EIF4EBP2: variants seen among roughly 807,000 people sequenced by gnomAD.
EIF4EBP2 encodes the protein eukaryotic translation initiation factor 4E-binding protein 2.
EIF4EBP2 carries 5 observed loss-of-function variants against 10.3 expected under a neutral mutation model. That is an observed-to-expected ratio of 0.48 (90% confidence interval 0.25 to 1.02). The LOEUF (loss-of-function observed/expected upper bound fraction) is 1.02. EIF4EBP2 is among the 50% of genes least tolerant of loss of function. EIF4EBP2 has a pLI of 0.15. For missense variants in EIF4EBP2, 188 were observed against 162.2 expected, an observed-to-expected ratio of 1.16 and a Z score of -0.86; for synonymous variants, 67 against 61.1, an observed-to-expected ratio of 1.10 and a Z score of -0.45.
At chr10:70,406,692 G>A (rs1844967354) in intron 1 of EIF4EBP2, among the ~76,000 whole-genome samples, 1 of 150,838 alleles carries the variant, frequency 6.6e-6, no homozygotes, top group African/African-American at 2.5e-5. Flanking sequence ...TGCTTGCAAA[G>A]AGTCTGCCAG....
chr10:70,421,433 GC>G (rs1845156250), intron 2 of EIF4EBP2, among the ~76,000 whole-genome samples: 2 of 152,184 alleles, frequency 1.3e-5, no homozygotes, highest in Non-Finnish European at 2.9e-5. Context: ...ATGGCAAAGA[GC>G]TCCCCAAGAG....
At chr10:70,416,920 C>T (rs907316867) in intron 1 of EIF4EBP2, among the ~76,000 whole-genome samples, 3 of 152,180 alleles carry the variant, frequency 2.0e-5, no homozygotes, top group East Asian at 3.9e-4. Flanking sequence ...ACGTTGGCCT[C>T]CCAAAGTGCT....
In EIF4EBP2 at chr10:70,422,033, T is replaced by G. The variant is rs1845162592; in HGVS notation, c.*286T>G. The G allele has an allele frequency of 9.7e-6, 4 of 412,738 alleles. No homozygotes were observed. The highest frequency in any genetic ancestry group is 1.8e-5 in the Non-Finnish European group (4 of 228,390). 25.6% of individuals were successfully genotyped at this position (412,738 alleles called of 1,614,324 possible). A position where few individuals can be genotyped will look rare whatever the true frequency, so the allele number is the denominator to read the frequency against. On this transcript the variant is annotated 3_prime_UTR_variant, in exon 3 of 3. Coordinates refer to ENST00000373218, the MANE Select transcript of EIF4EBP2 (RefSeq NM_004096.5). The stretch of plus-strand genomic sequence containing the variant: ...AGCCCTTAGAGGAAAACAGTTCAAC[T>G]CTGACTTTCCTAGTTGTTTTTTTAT...
rs116482385 is a variant in EIF4EBP2 at position 70,422,203 on chromosome 10, C to T, written c.*456C>T. 8.7e-3 allele frequency: 1,371 copies of T among 157,322 alleles called. 27 individuals are homozygous for T. The highest frequency in any genetic ancestry group is 0.032 in the African/African-American group (1,321 of 41,742). 9.7% of individuals were successfully genotyped at this position (157,322 alleles called of 1,614,324 possible). On this transcript the variant is annotated 3_prime_UTR_variant, in exon 3 of 3. Coordinates refer to ENST00000373218, the MANE Select transcript of EIF4EBP2 (RefSeq NM_004096.5). Reference sequence around the variant, plus strand: ...ATTCCTTACCCTCTGTCTCTCCTCCCTGTATCCCACCTATGGTTCAGTGTT... The same window carrying T: ...ATTCCTTACCCTCTGTCTCTCCTCCTTGTATCCCACCTATGGTTCAGTGTT...
chr10:70,417,861 A>C (rs1037813431), intron 1 of EIF4EBP2, among the ~76,000 whole-genome samples: 1 of 152,170 alleles, frequency 6.6e-6, no homozygotes, highest in African/African-American at 2.4e-5. Flanking sequence ...TCCATTGTTA[A>C]AGCTCCTTCC....
rs971796879 is a variant in EIF4EBP2, at chr10:70,419,955, C to T, written c.187C>T (p.Arg63Cys). The change falls in exon 2 of 3, where the codon CGC becomes TGC. Residue 63 changes from arginine to cysteine, a missense_variant. Coordinates refer to ENST00000373218, the MANE Select transcript of EIF4EBP2 (RefSeq NM_004096.5). ...IYDRKFLLDR[R>C]NSPMAQTPPC... ...TGACAGAAAGTTTCTGTTGGATCGTCGCAATTCTCCCATGGCTCAGACCCC... is the reference window on the plus strand; with the variant it reads ...TGACAGAAAGTTTCTGTTGGATCGTTGCAATTCTCCCATGGCTCAGACCCC... 6.3e-6 allele frequency: 10 copies of T among 1,597,686 alleles called. No individual in the cohort carries two copies. Among genetic ancestry groups the T allele is most frequent in the African/African-American group, 1.4e-5 (1 of 73,976 alleles).
chr10:70,412,782 A>G (rs1845059270), intron 1 of EIF4EBP2, among the ~76,000 whole-genome samples: 1 of 152,212 alleles, frequency 6.6e-6, no homozygotes, highest in African/African-American at 2.4e-5. Context: ...AAAGTCCTGG[A>G]TGAAAGTATT....
chr10:70,415,706 A>G (rs1416877261), intron 1 of EIF4EBP2, among the ~76,000 whole-genome samples: 1 of 152,238 alleles, frequency 6.6e-6, no homozygotes, highest in African/African-American at 2.4e-5. Flanking sequence ...GTGCTGATAC[A>G]ACTGGATATG....
chr10:70,407,589 C>T (rs1375716544), intron 1 of EIF4EBP2, among the ~76,000 whole-genome samples: 1 of 152,102 alleles, frequency 6.6e-6, no homozygotes, highest in Non-Finnish European at 1.5e-5. Flanking sequence ...TTCCACAAAA[C>T]CGCCGTTGTC....
intron 1 of EIF4EBP2, among the ~76,000 whole-genome samples, chr10:70,417,839 A>C (rs1424015187): frequency 6.6e-6 from 1 of 152,212 alleles, no homozygotes; most frequent in Non-Finnish European, 1.5e-5. Flanking sequence ...TAACTCAAAC[A>C]GATAGGCAAA....
chr10:70,417,439 C>T (rs981431960), intron 1 of EIF4EBP2, among the ~76,000 whole-genome samples: 6 of 151,706 alleles, frequency 4.0e-5, no homozygotes, highest in Non-Finnish European at 7.4e-5. Flanking sequence ...TACAGTCCTG[C>T]GAATCAACTA....
intron 2 of EIF4EBP2, among the ~76,000 whole-genome samples, chr10:70,420,392 G>T (rs1397448766): frequency 6.6e-6 from 1 of 152,046 alleles, no homozygotes; most frequent in Non-Finnish European, 1.5e-5. Flanking sequence ...GTAGAGACGG[G>T]GTTTCGCCAT....
intron 1 of EIF4EBP2, among the ~76,000 whole-genome samples, chr10:70,409,292 A>AT (rs904449035): frequency 1.6e-4 from 24 of 152,248 alleles, no homozygotes; most frequent in African/African-American, 5.5e-4. Flanking sequence ...CCAAAAAAAA[A>AT]GCTCTTGGAT....
intron 1 of EIF4EBP2, among the ~76,000 whole-genome samples, chr10:70,407,040 G>A (rs566973816): frequency 6.6e-6 from 1 of 152,232 alleles, no homozygotes; most frequent in East Asian, 1.9e-4. Context: ...TGGGGCTACA[G>A]GCGTCCACCA....
intron 1 of EIF4EBP2, among the ~76,000 whole-genome samples, chr10:70,416,882 G>A (rs1369464886): frequency 6.6e-6 from 1 of 151,976 alleles, no homozygotes; most frequent in Non-Finnish European, 1.5e-5. Context: ...GCCCAGGCTG[G>A]TCTTGAACTT....
chr10:70,413,038 A>G (rs557090457), intron 1 of EIF4EBP2, among the ~76,000 whole-genome samples: 57 of 152,310 alleles, frequency 3.7e-4, no homozygotes, highest in African/African-American at 1.3e-3. Flanking sequence ...TGTAAATAAT[A>G]TATGTATACT....
intron 1 of EIF4EBP2, among the ~76,000 whole-genome samples, chr10:70,407,998 C>A (rs1198789588): frequency 9.0e-6 from 1 of 111,310 alleles, no homozygotes; most frequent in African/African-American, 3.5e-5. Context: ...CCCCCCACCT[C>A]CCTCCCGGAC....
rs1002019585 is a variant in EIF4EBP2 at position 70,404,654 on chromosome 10, G to T, written c.145+108G>T. The T allele has an allele frequency of 1.0e-5, 14 of 1,347,294 alleles. No individual in the cohort carries two copies. The African/African-American group carries it at 1.4e-4, about 13-fold the overall frequency. The allele number at this position is 1,347,294 out of a possible 1,614,324, so 83.5% of individuals were successfully genotyped here. On this transcript the variant is annotated intron_variant, in intron 1 of 2. Transcript: ENST00000373218. ...CGCCCCCGCCCCCAGCTCCACCGAA[G>T]CCCCGGGGACGCTGCCCTTGGGCCC...
At position 70,427,662 on chromosome 10, in the gene EIF4EBP2, GCT is replaced by G. The variant is rs565381410; in HGVS notation, c.*5920_*5921del. The G allele has an allele frequency of 6.6e-5, 10 of 152,224 alleles. No individual in the cohort carries two copies. In the East Asian group the frequency reaches 1.7e-3, roughly 26 times the overall value. 9.4% of individuals were successfully genotyped at this position (152,224 alleles called of 1,614,324 possible). A position where few individuals can be genotyped will look rare whatever the true frequency, so the allele number is the denominator to read the frequency against. ...GGTCTGTGGATTCTCTTTGCTTATG[GCT>G]CTCTGCCTGCAGCCCTGGCAGACCA... On this transcript the variant is annotated 3_prime_UTR_variant, in exon 3 of 3. Transcript: ENST00000373218.
Sources: allele counts gnomAD v4.1 joint callset (sites outside exome capture counted in the v4.1 genomes callset), GRCh38; gene constraint gnomAD v4.1.1; transcripts MANE v1.5; gene names NCBI Gene and HGNC (gene_info 2026-07-23, HGNC 2026-07-21).